CFAP107: variants seen among roughly 807,000 people sequenced by gnomAD.
The protein encoded by CFAP107 is cilia- and flagella-associated protein 107.
chr1:12,760,845 G>A, the CFAP107 span: 1 of 1,614,178 alleles, frequency 6.2e-7, no homozygotes, highest in Non-Finnish European at 8.5e-7. Flanking sequence ...CTGAAGCAGA[G>A]CACTTATACT....
the CFAP107 span, among the ~76,000 whole-genome samples, chr1:12,747,366 G>A: frequency 6.6e-6 from 1 of 152,112 alleles, no homozygotes; most frequent in Non-Finnish European, 1.5e-5. Context: ...ACTGTGCCTG[G>A]CCTCAATTTT....
At chr1:12,749,714 T>TA in the CFAP107 span, among the ~76,000 whole-genome samples, 25 of 152,072 alleles carry the variant, frequency 1.6e-4, no homozygotes, top group South Asian at 2.5e-3. Flanking sequence ...AAAGTGCTGG[T>TA]AAAAAAAATA....
the CFAP107 span, among the ~76,000 whole-genome samples, chr1:12,756,738 C>A: frequency 6.6e-6 from 1 of 152,308 alleles, no homozygotes; most frequent in Admixed American, 6.5e-5. Context: ...GGAATTGGGG[C>A]ATTTTAGTGC....
chr1:12,751,570 T>G, the CFAP107 span, among the ~76,000 whole-genome samples: 5 of 152,138 alleles, frequency 3.3e-5, no homozygotes, highest in Non-Finnish European at 7.4e-5. Flanking sequence ...GAGGTTTCAG[T>G]GAGCCGAGAT....
At chr1:12,755,928 C>A in the CFAP107 span, 4 of 675,710 alleles carry the variant, frequency 5.9e-6, no homozygotes, top group Admixed American at 5.6e-5. Context: ...GGAGTAGTCT[C>A]ATTAATACCC....
the CFAP107 span, among the ~76,000 whole-genome samples, chr1:12,757,882 TC>T: frequency 6.6e-6 from 1 of 151,924 alleles, no homozygotes; most frequent in South Asian, 2.1e-4. Flanking sequence ...CAAAAATGAC[TC>T]CAAAGCCCGT....
the CFAP107 span, among the ~76,000 whole-genome samples, chr1:12,759,920 A>T: frequency 2.0e-5 from 3 of 152,150 alleles, no homozygotes; most frequent in African/African-American, 7.2e-5. Context: ...AAGTAAGAAC[A>T]CTTAAGATCA....
chr1:12,756,366 T>C, the CFAP107 span, among the ~76,000 whole-genome samples: 39,739 of 152,110 alleles, frequency 0.26, 5,418 homozygotes, highest in African/African-American at 0.33. Context: ...AGACTATTAT[T>C]ATCTTTAGCA....
the CFAP107 span, chr1:12,753,902 C>G: frequency 6.6e-6 from 1 of 151,044 alleles, no homozygotes; most frequent in South Asian, 2.1e-4. Context: ...TTATCTCTCT[C>G]TTTTTTTTTA....
chr1:12,760,886 A>G, the CFAP107 span: 1 of 1,614,100 alleles, frequency 6.2e-7, no homozygotes, highest in South Asian at 1.1e-5. Flanking sequence ...GTTGTGCGCT[A>G]TGTCCTGGAG....
chr1:12,759,223 C>T, the CFAP107 span: 3 of 1,469,238 alleles, frequency 2.0e-6, no homozygotes, highest in Non-Finnish European at 2.8e-6. Flanking sequence ...ACCACAGACC[C>T]CTACATGTGG....
At chr1:12,759,287 G>T in the CFAP107 span, 1 of 1,610,282 alleles carries the variant, frequency 6.2e-7, no homozygotes, top group South Asian at 1.1e-5. Flanking sequence ...TCAGTAACGA[G>T]CCCACTGTGT....
chr1:12,747,808 CAGTACTCAGGGATATTATGGG>C, the CFAP107 span, among the ~76,000 whole-genome samples: 1 of 152,030 alleles, frequency 6.6e-6, no homozygotes, highest in Non-Finnish European at 1.5e-5. Context: ...ATGGGTGATG[CAGTACTCAGGGATATTATGGG>C]ATGGTCTCAC....
At chr1:12,750,772 G>A in the CFAP107 span, among the ~76,000 whole-genome samples, 1 of 151,756 alleles carries the variant, frequency 6.6e-6, no homozygotes, top group Non-Finnish European at 1.5e-5. Flanking sequence ...TGGCTCTACA[G>A]TAATAGTAGA....
chr1:12,746,516 GA>G, the CFAP107 span: 6 of 1,613,260 alleles, frequency 3.7e-6, no homozygotes, highest in Non-Finnish European at 5.1e-6. Context: ...GTGCTCACTG[GA>G]AATTGGATGG....
At chr1:12,760,603 G>C in the CFAP107 span, among the ~76,000 whole-genome samples, 1 of 152,204 alleles carries the variant, frequency 6.6e-6, no homozygotes, top group Non-Finnish European at 1.5e-5. Flanking sequence ...CTGAACCAAT[G>C]CTCTCTGCAA....
the CFAP107 span, chr1:12,760,760 T>C: frequency 6.2e-7 from 1 of 1,611,418 alleles, no homozygotes; most frequent in East Asian, 2.2e-5. Context: ...GACCCTGGTT[T>C]CTCTTGCAGC....
chr1:12,753,898 C>A, the CFAP107 span: 1 of 152,012 alleles, frequency 6.6e-6, no homozygotes, highest in African/African-American at 2.4e-5. Context: ...GAACTTATCT[C>A]TCTCTTTTTT....
the CFAP107 span, chr1:12,753,339 A>G: frequency 1.3e-5 from 2 of 150,272 alleles, no homozygotes; most frequent in African/African-American, 5.0e-5. Context: ...ACCCCAGTAA[A>G]GGTTTTTTTT....
Sources: allele counts gnomAD v4.1 joint callset (sites outside exome capture counted in the v4.1 genomes callset), GRCh38; gene constraint gnomAD v4.1.1; transcripts MANE v1.5; gene names NCBI Gene and HGNC (gene_info 2026-07-23, HGNC 2026-07-21).